LRCH2: variants seen among roughly 807,000 people sequenced by gnomAD.
LRCH2 encodes leucine-rich repeat and calponin homology domain-containing protein 2.
Under a neutral mutation model 68.9 loss-of-function variants are expected in LRCH2, and 38 were observed. The observed-to-expected ratio is 0.55, with a 90% confidence interval of 0.43 to 0.72. The LOEUF (loss-of-function observed/expected upper bound fraction) is 0.72. LRCH2 is among the 30% of genes least tolerant of loss of function. LRCH2 has a pLI of 0.00. For missense variants in LRCH2, 528 were observed against 572.9 expected, an observed-to-expected ratio of 0.92 and a Z score of 0.80; for synonymous variants, 191 against 208.1, an observed-to-expected ratio of 0.92 and a Z score of 0.71.
At chrX:115,167,168 C>T (rs1431710696) in intron 6 of LRCH2, among the ~76,000 whole-genome samples, 10 of 69,733 alleles carry the variant, frequency 1.4e-4, no homozygotes, top group African/African-American at 3.6e-4. Context: ...GTTTTAATTC[C>T]GCTCCTAAAA....
intron 6 of LRCH2, among the ~76,000 whole-genome samples, chrX:115,167,783 T>G (rs1178052905): frequency 3.6e-5 from 4 of 111,704 alleles, no homozygotes; most frequent in Admixed American, 9.5e-5. Flanking sequence ...TGGTTAACAT[T>G]TTAGGTATGG....
intron 15 of LRCH2, 118 bp downstream of exon 15, chrX:115,130,037 A>C (rs2072229818): frequency 2.6e-6 from 1 of 387,491 alleles, no homozygotes; most frequent in Non-Finnish European, 4.5e-6. Flanking sequence ...TTGAAAAAAA[A>C]CCATGCATTA....
chrX:115,146,255 T>C (rs781909721), intron 14 of LRCH2, among the ~76,000 whole-genome samples: 65 of 110,330 alleles, frequency 5.9e-4, no homozygotes, highest in Non-Finnish European at 1.1e-3. Context: ...AGATAGAGAG[T>C]AGAAGGATGG....
intron 1 of LRCH2, among the ~76,000 whole-genome samples, chrX:115,221,555 G>C (rs929609381): frequency 9.0e-6 from 1 of 110,695 alleles, no homozygotes; most frequent in African/African-American, 3.3e-5. Flanking sequence ...ACCACACACT[G>C]TACTACTAGC....
chrX:115,200,424 C>A (rs1466426770), intron 1 of LRCH2, among the ~76,000 whole-genome samples: 1 of 110,665 alleles, frequency 9.0e-6, no homozygotes, highest in African/African-American at 3.3e-5. Context: ...CAAATAAACA[C>A]AATGAGAAAT....
At chrX:115,216,484 T>C (rs1193596253) in intron 1 of LRCH2, among the ~76,000 whole-genome samples, 2 of 112,008 alleles carry the variant, frequency 1.8e-5, no homozygotes, top group Non-Finnish European at 3.8e-5. Flanking sequence ...ATGAAAAATA[T>C]GAAATGAAGA....
In LRCH2 at chrX:115,123,956, T is replaced by C; in HGVS notation, c.1838A>G (p.Lys613Arg). 10 of 1,114,332 alleles carry C rather than the reference T, an allele frequency of 9.0e-6. No individual in the cohort carries two copies. Among genetic ancestry groups the C allele is most frequent in the Non-Finnish European group, 1.2e-5 (10 of 839,151 alleles). The allele number at this position is 1,114,332 out of a possible 1,213,427, so 91.8% of individuals were successfully genotyped here. ...DGFSHSPFGL[K>R]PRSAFSRSSR... ...GAATATCTATTTACCTGATCTAGGC[T>C]TCAAGCCAAAGGGACTGTGTGAAAA... Residue 613 changes from lysine (K) to arginine (R), a missense_variant, in exon 17 of 21, where the codon AAG becomes AGG. Transcript: ENST00000317135.
intron 14 of LRCH2, among the ~76,000 whole-genome samples, chrX:115,149,480 T>C (rs1419626333): frequency 1.8e-5 from 2 of 112,095 alleles, no homozygotes; most frequent in East Asian, 5.6e-4. Context: ...ATGCTAATTG[T>C]AAATATGTGT....
At chrX:115,136,917 TA>T (rs1556532233) in intron 14 of LRCH2, among the ~76,000 whole-genome samples, 5 of 112,104 alleles carry the variant, frequency 4.5e-5, no homozygotes. Context: ...GTCTGATAAT[TA>T]TTTTTTATTG....
In LRCH2 at chrX:115,175,798, C is replaced by T. The variant is rs188839505; in HGVS notation, c.864+3629G>A. ...CTCATATGCCTTGTCCTATCCTTCT[C>T]TTCCATCTGGCTATTCATTTGTATC... On this transcript the variant is annotated intron_variant, in intron 5 of 20. Transcript: ENST00000317135. Among the ~76,000 whole-genome samples the T allele has an allele frequency of 2.9e-4, 33 of 112,423 alleles. No homozygotes were observed. The East Asian group carries it at 8.7e-3, about 30-fold the overall frequency.
rs2072760201 is a variant in LRCH2 at position 115,189,343 on chromosome X, C to A, written c.350-973G>T. The A allele has an allele frequency of 7.5e-6, 7 of 930,548 alleles. No individual in the cohort carries two copies. In the Admixed American group the frequency reaches 2.2e-4, roughly 29 times the overall value. The allele number at this position is 930,548 out of a possible 1,213,427, so 76.7% of individuals were successfully genotyped here. The stretch of plus-strand genomic sequence containing the variant: ...CTTCTTGAGACATCCACCCCCCCAA[C>A]CGGTAGGAGCCGCCCTCCACGAGAG... On this transcript the variant is annotated intron_variant, in intron 1 of 20. Transcript: ENST00000317135.
At chrX:115,159,138 A>T (rs781807653) in intron 11 of LRCH2, among the ~76,000 whole-genome samples, 154 of 110,474 alleles carry the variant, frequency 1.4e-3, no homozygotes, top group African/African-American at 4.9e-3. Context: ...TTATTTTGGT[A>T]AGAACATTTA....
chrX:115,163,337 GCACA>G (rs1298492155), intron 11 of LRCH2, among the ~76,000 whole-genome samples: 149 of 111,304 alleles, frequency 1.3e-3, no homozygotes, highest in African/African-American at 4.8e-3. Flanking sequence ...TTATGATTCA[GCACA>G]CACACAGGAA....
Position 115,192,553 on chromosome X carries a change from G to T in LRCH2, c.350-4183C>A. On this transcript the variant is annotated intron_variant, in intron 1 of 20. Coordinates refer to ENST00000317135, the MANE Select transcript of LRCH2 (RefSeq NM_020871.4). Reference sequence around the variant, plus strand: ...GGAAACGGGCAGCCCTCCCCTGCATGATTCTTACAGCCGGTCAGGCTGCAG... The same window carrying T: ...GGAAACGGGCAGCCCTCCCCTGCATTATTCTTACAGCCGGTCAGGCTGCAG... 3 of 1,169,888 alleles carry T rather than the reference G, an allele frequency of 2.6e-6. No homozygotes were observed. The South Asian group carries it at 5.7e-5, about 22-fold the overall frequency.
chrX:115,216,080 A>C (rs1439148197), intron 1 of LRCH2, among the ~76,000 whole-genome samples: 4 of 112,266 alleles, frequency 3.6e-5, no homozygotes, highest in Non-Finnish European at 7.5e-5. Context: ...TAAATGTCCA[A>C]CAATAAGATA....
intron 20 of LRCH2, among the ~76,000 whole-genome samples, chrX:115,120,086 T>A (rs1174231553): frequency 9.7e-5 from 10 of 103,587 alleles, no homozygotes; most frequent in African/African-American, 3.2e-4. Context: ...AACCTAGGCA[T>A]TACCATTCAG....
intron 11 of LRCH2, among the ~76,000 whole-genome samples, chrX:115,157,176 G>A (rs1339766113): frequency 9.0e-6 from 1 of 110,685 alleles, no homozygotes; most frequent in African/African-American, 3.3e-5. Flanking sequence ...GAAAGAAAAT[G>A]ATGAACCATT....
intron 1 of LRCH2, among the ~76,000 whole-genome samples, chrX:115,197,369 G>A (rs1347036896): frequency 8.9e-6 from 1 of 111,840 alleles, no homozygotes; most frequent in Non-Finnish European, 1.9e-5. Flanking sequence ...TCAATGAGAT[G>A]CCAGAGAAAT....
chrX:115,165,732 T>A, intron 8 of LRCH2, 77 bp from the exon 9 acceptor site: 5 of 928,662 alleles, frequency 5.4e-6, no homozygotes, highest in Non-Finnish European at 7.4e-6. Context: ...TAGAAAAATG[T>A]GTATTTTCTC....
Sources: allele counts gnomAD v4.1 joint callset (sites outside exome capture counted in the v4.1 genomes callset), GRCh38; gene constraint gnomAD v4.1.1; transcripts MANE v1.5; gene names NCBI Gene and HGNC (gene_info 2026-07-23, HGNC 2026-07-21).